The following ADGRB3 variants were observed in gnomAD, a reference collection of about 807,000 sequenced individuals.
ADGRB3 encodes adhesion G protein-coupled receptor B3.
Under a neutral mutation model 193.4 loss-of-function variants are expected in ADGRB3, and 37 were observed. The ratio of observed to expected loss-of-function variants is 0.19; its 90% CI spans 0.15 to 0.25. The LOEUF (loss-of-function observed/expected upper bound fraction) is 0.25, where lower values mean the gene tolerates loss of function less well. ADGRB3 is among the 10% of genes least tolerant of loss of function. ADGRB3 has a pLI of 1.00. For synonymous variants in ADGRB3, 690 were observed against 644.2 expected (o/e 1.07, Z -1.08); for missense variants, 1,637 against 1,852.9 (o/e 0.88, Z 2.14).
chr6:68,717,270 A>G (rs563138261), intron 3 of ADGRB3, among the ~76,000 whole-genome samples: 8 of 151,844 alleles, frequency 5.3e-5, no homozygotes, highest in African/African-American at 1.9e-4. Context: ...ATATCTATAT[A>G]TAATTCATAG....
chr6:68,981,869 T>C (rs912534161), intron 10 of ADGRB3, among the ~76,000 whole-genome samples: 23 of 144,156 alleles, frequency 1.6e-4, no homozygotes, highest in African/African-American at 5.4e-4. Context: ...TATTTATTTA[T>C]TTATTTATTT....
At chr6:68,802,841 T>C (rs1430561429) in intron 3 of ADGRB3, among the ~76,000 whole-genome samples, 1 of 152,186 alleles carries the variant, frequency 6.6e-6, no homozygotes, top group African/African-American at 2.4e-5. Context: ...TGCCAGTTGT[T>C]TTTGTAAACA....
chr6:68,896,077 A>T (rs1214883468), intron 3 of ADGRB3, among the ~76,000 whole-genome samples: 1 of 152,096 alleles, frequency 6.6e-6, no homozygotes. Flanking sequence ...TTAAAAAGTA[A>T]TGAAACTGCT....
At chr6:69,040,170 G>A (rs1229221783) in intron 13 of ADGRB3, among the ~76,000 whole-genome samples, 1 of 152,104 alleles carries the variant, frequency 6.6e-6, no homozygotes, top group Non-Finnish European at 1.5e-5. Context: ...TAAAGTCTTA[G>A]TGACCTTTGT....
chr6:69,197,110 A>G (rs573203896), intron 17 of ADGRB3, among the ~76,000 whole-genome samples: 11 of 152,072 alleles, frequency 7.2e-5, no homozygotes, highest in Non-Finnish European at 1.5e-4. Context: ...TCATATTAAT[A>G]TCACAGTTTC....
intron 26 of ADGRB3, among the ~76,000 whole-genome samples, chr6:69,345,692 C>T (rs1054606007): frequency 6.6e-5 from 10 of 152,052 alleles, no homozygotes; most frequent in African/African-American, 2.4e-4. Context: ...TGAAAACTGG[C>T]ACTAGATAAA....
intron 17 of ADGRB3, among the ~76,000 whole-genome samples, chr6:69,198,994 G>A (rs141432610): frequency 2.3e-4 from 35 of 152,214 alleles, no homozygotes; most frequent in South Asian, 4.1e-4. Context: ...GCAACTGAGC[G>A]TGTGGCTAAA....
chr6:69,103,803 A>G lies in ADGRB3; in HGVS notation c.2480+27765A>G, dbSNP rs568135108. On this transcript the variant is annotated intron_variant, in intron 17 of 31. Transcript: ENST00000370598. The stretch of plus-strand genomic sequence containing the variant: ...TATAATATTATTATATTTATTTTAT[A>G]AAGTCACATATATTAAGATAGAAGC... Among the ~76,000 whole-genome samples, 620 of 150,316 alleles carry G rather than the reference A, an allele frequency of 4.1e-3. 2 individuals carry two copies. Among genetic ancestry groups the G allele is most frequent in the Non-Finnish European group, 7.6e-3 (517 of 67,622 alleles).
At chr6:68,957,424 A>G (rs1335437795) in intron 8 of ADGRB3, among the ~76,000 whole-genome samples, 1 of 152,182 alleles carries the variant, frequency 6.6e-6, no homozygotes, top group African/African-American at 2.4e-5. Context: ...TTATTGACAC[A>G]CTGAGGACTC....
intron 17 of ADGRB3, among the ~76,000 whole-genome samples, chr6:69,209,225 G>T (rs1756867138): frequency 1.3e-5 from 2 of 152,162 alleles, no homozygotes; most frequent in African/African-American, 4.8e-5. Flanking sequence ...GGCCTTTCAG[G>T]TCACTTGCTA....
At chr6:69,018,535 A>T in intron 13 of ADGRB3, 36 bp downstream of exon 13, 1 of 1,441,576 alleles carries the variant, frequency 6.9e-7, no homozygotes, top group Non-Finnish European at 9.7e-7. Flanking sequence ...ATCTTTCTGA[A>T]ATAAAAAAAA....
intron 3 of ADGRB3, among the ~76,000 whole-genome samples, chr6:68,851,950 A>G (rs1251426548): frequency 6.6e-6 from 1 of 151,894 alleles, no homozygotes; most frequent in Non-Finnish European, 1.5e-5. Context: ...ATTTATTTGC[A>G]TTGTGCAATG....
chr6:69,177,123 T>C (rs1775448321), intron 17 of ADGRB3, among the ~76,000 whole-genome samples: 1 of 152,166 alleles, frequency 6.6e-6, no homozygotes, highest in Non-Finnish European at 1.5e-5. Flanking sequence ...CTCAGTTTTG[T>C]TCAGTCCTGC....
chr6:68,948,204 C>A (rs2049801128), intron 6 of ADGRB3, among the ~76,000 whole-genome samples: 1 of 152,056 alleles, frequency 6.6e-6, no homozygotes, highest in Non-Finnish European at 1.5e-5. Flanking sequence ...GCACTGTGAC[C>A]TTGTTTTTGT....
intron 6 of ADGRB3, among the ~76,000 whole-genome samples, chr6:68,954,021 A>G (rs938441110): frequency 6.6e-6 from 1 of 152,190 alleles, no homozygotes; most frequent in African/African-American, 2.4e-5. Context: ...CTAATCTAGA[A>G]AGTATTTTTG....
intron 3 of ADGRB3, among the ~76,000 whole-genome samples, chr6:68,896,507 A>G (rs886639643): frequency 6.6e-6 from 1 of 152,170 alleles, no homozygotes; most frequent in Non-Finnish European, 1.5e-5. Flanking sequence ...CTTTAGTAAA[A>G]ATCCAGTTCT....
intron 17 of ADGRB3, among the ~76,000 whole-genome samples, chr6:69,096,712 T>G (rs1772888992): frequency 6.6e-6 from 1 of 152,190 alleles, no homozygotes; most frequent in Non-Finnish European, 1.5e-5. Flanking sequence ...CTAGTCAGTT[T>G]TAAGTCACCG....
At chr6:68,772,891 A>ATATATATATATATATATATATATATAT (rs1562023303) in intron 3 of ADGRB3, among the ~76,000 whole-genome samples, 1 of 35,880 alleles carries the variant, frequency 2.8e-5, no homozygotes. Context: ...ACAAAAAAAA[A>ATATATATATATATATATATATATATAT]AAAATATATA....
rs116875690 is a variant in ADGRB3, at chr6:69,327,258, A to T, written c.2966-562A>T. Among the ~76,000 whole-genome samples, 88 of 152,322 alleles carry T rather than the reference A, an allele frequency of 5.8e-4. No homozygotes were observed. The East Asian group carries it at 0.015, about 25-fold the overall frequency. Reference sequence around the variant, plus strand: ...TCCCATAAACGTAAACTAAAAGAAGATGCTAGCTCAGAATTGGAGCAGGTA... The same window carrying T: ...TCCCATAAACGTAAACTAAAAGAAGTTGCTAGCTCAGAATTGGAGCAGGTA... On this transcript the variant is annotated intron_variant, in intron 21 of 31. Coordinates refer to ENST00000370598, the MANE Select transcript of ADGRB3 (RefSeq NM_001704.3).
Sources: allele counts gnomAD v4.1 joint callset (sites outside exome capture counted in the v4.1 genomes callset), GRCh38; gene constraint gnomAD v4.1.1; transcripts MANE v1.5; gene names NCBI Gene and HGNC (gene_info 2026-07-23, HGNC 2026-07-21).